Variants in SYCE3 observed in about 807,000 individuals in gnomAD.
SYCE3 encodes the protein synaptonemal complex central element protein 3, also known as testis highly expressed gene 2 protein.
In SYCE3, 3 loss-of-function variants were observed where a neutral mutation model predicts 8.1. The observed-to-expected ratio is 0.37, with a 90% CI of 0.17 to 0.96. The LOEUF (loss-of-function observed/expected upper bound fraction) is 0.96. SYCE3 is among the 40% of genes least tolerant of loss of function. The pLI is 0.41. For missense variants in SYCE3, 83 were observed against 110.0 expected, an observed-to-expected ratio of 0.75 and a Z score of 1.10; for synonymous variants, 36 against 38.7, an observed-to-expected ratio of 0.93 and a Z score of 0.26.
intron 1 of SYCE3, among the ~76,000 whole-genome samples, chr22:50,558,816 G>A (rs1051309955): frequency 2.0e-5 from 3 of 152,128 alleles, no homozygotes; most frequent in Non-Finnish European, 4.4e-5. Flanking sequence ...GGCCTCACAC[G>A]TTTGTCTGTC....
chr22:50,554,861 G>A (rs911790040), intron 2 of SYCE3, among the ~76,000 whole-genome samples: 41 of 151,696 alleles, frequency 2.7e-4, no homozygotes, highest in African/African-American at 9.4e-4. Flanking sequence ...GGTGGTTTAC[G>A]CCTGTAATCC....
chr22:50,556,015 G>A (rs1439907133), intron 2 of SYCE3, among the ~76,000 whole-genome samples: 5 of 151,976 alleles, frequency 3.3e-5, no homozygotes, highest in South Asian at 2.1e-4. Context: ...GGATGGTCTC[G>A]ATCTCCTGAC....
At chr22:50,561,540 G>C (rs1204388265) in intron 1 of SYCE3, among the ~76,000 whole-genome samples, 1 of 143,344 alleles carries the variant, frequency 7.0e-6, no homozygotes, top group African/African-American at 2.5e-5. Context: ...GGGGCGGGAG[G>C]AGTGTGGGGC....
chr22:50,554,578 C>T (rs1410888157), intron 2 of SYCE3, among the ~76,000 whole-genome samples: 2 of 151,416 alleles, frequency 1.3e-5, no homozygotes, highest in African/African-American at 2.4e-5. Context: ...CCTGTAATCC[C>T]ACCTACCCAG....
At chr22:50,557,561 C>T (rs1355072508) in intron 1 of SYCE3, among the ~76,000 whole-genome samples, 1 of 152,056 alleles carries the variant, frequency 6.6e-6, no homozygotes, top group Non-Finnish European at 1.5e-5. Context: ...CAGTACCTAC[C>T]GTAATGAGCA....
rs1296806806 is a variant in SYCE3, at chr22:50,562,882, C to T, written c.-25G>A. ...CCTCCAGCTTGGCCCGCGCTCCGGT[C>T]CTGCTCTGGCGCCCCCAGCGGCCGC... On this transcript the variant is annotated 5_prime_UTR_variant, in exon 1 of 3. Transcript: ENST00000406915. 6.6e-6 allele frequency: 1 copy of T among 152,252 alleles called. No homozygotes were observed. Among genetic ancestry groups the T allele is most frequent in the African/African-American group, 2.4e-5 (1 of 41,358 alleles). The allele number at this position is 152,252 out of a possible 1,614,324, so 9.4% of individuals were successfully genotyped here. A position where few individuals can be genotyped will look rare whatever the true frequency, so the allele number is the denominator to read the frequency against.
chr22:50,561,163 T>C (rs1007894349), intron 1 of SYCE3, among the ~76,000 whole-genome samples: 3 of 152,086 alleles, frequency 2.0e-5, no homozygotes, highest in African/African-American at 7.2e-5. Context: ...TGAGAGTGGC[T>C]TAAGGGGTGG....
chr22:50,561,100 C>T (rs544172630), intron 1 of SYCE3, among the ~76,000 whole-genome samples: 2 of 152,060 alleles, frequency 1.3e-5, no homozygotes, highest in East Asian at 1.9e-4. Context: ...GGCCTGGGAA[C>T]GTAAACATAC....
At chr22:50,555,363 A>G (rs1045773554) in intron 2 of SYCE3, among the ~76,000 whole-genome samples, 3 of 152,188 alleles carry the variant, frequency 2.0e-5, no homozygotes, top group African/African-American at 7.2e-5. Context: ...CTATTTGGCC[A>G]GGCACGCTGG....
intron 2 of SYCE3, among the ~76,000 whole-genome samples, chr22:50,552,654 A>G (rs1263651868): frequency 6.6e-6 from 1 of 152,176 alleles, no homozygotes; most frequent in African/African-American, 2.4e-5. Flanking sequence ...CTCATGGCTT[A>G]CTGTGAGAAT....
chr22:50,556,744 T>C (rs896436119), intron 1 of SYCE3, among the ~76,000 whole-genome samples: 4 of 152,188 alleles, frequency 2.6e-5, no homozygotes, highest in African/African-American at 7.2e-5. Context: ...CAAAACCATA[T>C]TGAGTACCCA....
intron 1 of SYCE3, among the ~76,000 whole-genome samples, chr22:50,559,112 C>T (rs1374364222): frequency 6.6e-6 from 1 of 151,718 alleles, no homozygotes; most frequent in Non-Finnish European, 1.5e-5. Flanking sequence ...AGCCCCTTCT[C>T]TTCTCACTAC....
At chr22:50,560,538 C>A in intron 1 of SYCE3, among the ~76,000 whole-genome samples, 1 of 143,612 alleles carries the variant, frequency 7.0e-6, no homozygotes, top group South Asian at 2.2e-4. Flanking sequence ...TTCAGGAGAG[C>A]CATAAAAGTA....
At chr22:50,551,441 G>A (rs764860678) in intron 2 of SYCE3, 39 bp from the exon 3 acceptor site, 62 of 1,528,884 alleles carry the variant, frequency 4.1e-5, no homozygotes, top group Non-Finnish European at 5.3e-5. Flanking sequence ...CCACAGGGAG[G>A]GGCTGCAGCT....
chr22:50,556,010 G>A (rs911434973), intron 2 of SYCE3, among the ~76,000 whole-genome samples: 1 of 152,010 alleles, frequency 6.6e-6, no homozygotes, highest in African/African-American at 2.4e-5. Flanking sequence ...AGCCAGGATG[G>A]TCTCGATCTC....
intron 2 of SYCE3, among the ~76,000 whole-genome samples, chr22:50,551,839 T>G (rs2069812804): frequency 6.6e-6 from 1 of 152,180 alleles, no homozygotes; most frequent in Non-Finnish European, 1.5e-5. Context: ...CATGTCACCT[T>G]ATGTTCAGTG....
chr22:50,555,204 C>T (rs887274797), intron 2 of SYCE3, among the ~76,000 whole-genome samples: 23 of 152,060 alleles, frequency 1.5e-4, no homozygotes, highest in Non-Finnish European at 2.6e-4. Flanking sequence ...GAGGCTGTGT[C>T]ACAGATAAGT....
chr22:50,551,270 A>T lies in SYCE3; in HGVS notation c.242T>A (p.Leu81Gln). The T allele has an allele frequency of 6.4e-7, 1 of 1,551,428 alleles. No individual in the cohort carries two copies. Among genetic ancestry groups the T allele is most frequent in the Non-Finnish European group, 8.7e-7 (1 of 1,146,966 alleles). ...CTACAGCCTTTGCTTGGTCTCATGC[A>T]GCAGCTCTTGCCAGTTCTTCTCCAT... is the stretch of plus-strand genomic sequence containing the variant. ...EEMEKNWQEL[L>Q]HETKQRL The change falls in exon 3 of 3, where the codon CTG becomes CAG. Residue 81 changes from leucine (L) to glutamine (Q), a missense_variant. Coordinates refer to ENST00000406915, the MANE Select transcript of SYCE3 (RefSeq NM_001123225.3).
chr22:50,558,584 G>A (rs985562921), intron 1 of SYCE3, among the ~76,000 whole-genome samples: 7 of 152,182 alleles, frequency 4.6e-5, no homozygotes, highest in African/African-American at 1.2e-4. Context: ...ATGGTCTTTC[G>A]GGATCTGTAA....
Sources: gnomAD v4.1 joint callset for allele counts (sites outside exome capture counted in the v4.1 genomes callset) on GRCh38, gnomAD v4.1.1 for gene constraint, MANE v1.5 for transcripts, NCBI Gene and HGNC (gene_info 2026-07-23, HGNC 2026-07-21) for gene names.